The following DNAH14 variants were observed in gnomAD, a reference collection of about 807,000 sequenced individuals.
DNAH14 encodes axonemal beta dynein heavy chain 14.
DNAH14 carries 478 observed loss-of-function variants against 520.9 expected under a neutral mutation model. That is an observed-to-expected ratio of 0.92 (90% CI 0.85 to 0.99). The LOEUF (loss-of-function observed/expected upper bound fraction) is 0.99, where lower values mean the gene tolerates loss of function less well. Among genes scored for constraint, DNAH14 ranks in the 50% least tolerant of loss-of-function variants. The pLI, the probability that DNAH14 is intolerant of heterozygous loss-of-function variation, is 0.00. For synonymous variants in DNAH14, 1,581 were observed against 1,757.2 expected (o/e 0.90, Z 2.51); for missense variants, 4,831 against 5,234.5 (o/e 0.92, Z 2.38).
At chr1:225,242,774 G>C (rs2092042929) in intron 43 of DNAH14, among the ~76,000 whole-genome samples, 1 of 152,138 alleles carries the variant, frequency 6.6e-6, no homozygotes, top group Non-Finnish European at 1.5e-5. Context: ...ATATGCAACT[G>C]GCACCCCAGT....
chr1:225,084,864 T>A (rs1404685507), intron 20 of DNAH14, among the ~76,000 whole-genome samples: 1 of 60,110 alleles, frequency 1.7e-5, no homozygotes, highest in Non-Finnish European at 5.8e-5. Context: ...TTTAGCAATC[T>A]CAGAATGTTA....
At chr1:225,287,453 A>G (rs2093773827) in intron 54 of DNAH14, among the ~76,000 whole-genome samples, 1 of 152,182 alleles carries the variant, frequency 6.6e-6, no homozygotes, top group Admixed American at 6.6e-5. Flanking sequence ...TTTTCTCACT[A>G]TTGGAGGGCA....
chr1:225,104,159 G>C (rs576832564), intron 23 of DNAH14, among the ~76,000 whole-genome samples: 1 of 151,622 alleles, frequency 6.6e-6, no homozygotes, highest in East Asian at 1.9e-4. Context: ...TATGGTTTTT[G>C]TCGTTCTGTT....
At chr1:225,335,140 C>A (rs111068382) in intron 66 of DNAH14, among the ~76,000 whole-genome samples, 15 of 109,228 alleles carry the variant, frequency 1.4e-4, no homozygotes, top group African/African-American at 6.0e-4. Flanking sequence ...TGTGCATGTG[C>A]ACATGTGTAC....
intron 1 of DNAH14, among the ~76,000 whole-genome samples, chr1:224,940,773 G>GT (rs1328645115): frequency 6.8e-6 from 1 of 147,828 alleles, no homozygotes; most frequent in Non-Finnish European, 1.5e-5. Flanking sequence ...CATGTGTTTA[G>GT]TTTTTTGTCC....
intron 8 of DNAH14, among the ~76,000 whole-genome samples, chr1:224,977,648 G>C (rs531030423): frequency 6.6e-6 from 1 of 152,130 alleles, no homozygotes; most frequent in Non-Finnish European, 1.5e-5. Flanking sequence ...AGCTTTTTGC[G>C]TGTCAATCAT....
At chr1:225,041,294 A>G (rs1051038615) in intron 12 of DNAH14, among the ~76,000 whole-genome samples, 3 of 152,212 alleles carry the variant, frequency 2.0e-5, no homozygotes, top group African/African-American at 7.2e-5. Flanking sequence ...AAAGTTGTGG[A>G]TCTGGTAATC....
intron 77 of DNAH14, among the ~76,000 whole-genome samples, chr1:225,374,147 A>C (rs1486600824): frequency 2.5e-5 from 1 of 40,284 alleles, no homozygotes; most frequent in East Asian, 5.9e-4. Flanking sequence ...GTGTCTTACT[A>C]TATATATATA....
chr1:225,012,713 T>C (rs1396981627), intron 10 of DNAH14, among the ~76,000 whole-genome samples: 1 of 152,228 alleles, frequency 6.6e-6, no homozygotes, highest in Non-Finnish European at 1.5e-5. Context: ...ATTAAGTTGA[T>C]CTTCAATCTC....
intron 64 of DNAH14, among the ~76,000 whole-genome samples, chr1:225,326,471 G>A (rs891761035): frequency 1.5e-5 from 2 of 137,558 alleles, no homozygotes; most frequent in Admixed American, 6.8e-5. Flanking sequence ...TATGGGGCCA[G>A]GTTAGGCAAT....
chr1:225,237,892 C>T (rs540738077), intron 42 of DNAH14, among the ~76,000 whole-genome samples: 1 of 152,270 alleles, frequency 6.6e-6, no homozygotes, highest in South Asian at 2.1e-4. Flanking sequence ...TTCTCTCCTC[C>T]ACTTGGTCTA....
At chr1:225,175,319 T>C (rs558329480) in intron 36 of DNAH14, among the ~76,000 whole-genome samples, 1 of 152,328 alleles carries the variant, frequency 6.6e-6, no homozygotes, top group Admixed American at 6.5e-5. Flanking sequence ...AACTCTTTAT[T>C]ACTCATTATT....
intron 17 of DNAH14, among the ~76,000 whole-genome samples, chr1:225,066,645 C>A (rs2070915938): frequency 6.6e-6 from 1 of 151,854 alleles, no homozygotes; most frequent in Non-Finnish European, 1.5e-5. Context: ...TATCTCACAC[C>A]CCCCTCCCAC....
At position 225,059,000 on chromosome 1, in the gene DNAH14, C is replaced by G. The variant is rs1300355945; in HGVS notation, c.2424+7205C>G. ...TGTGGTGCTGAGAAGAATGTATATT[C>G]TGTTGATTTGAGGTGGAGAGTTCTG... On this transcript the variant is annotated intron_variant, in intron 17 of 85. Coordinates refer to ENST00000682510, the MANE Select transcript of DNAH14 (RefSeq NM_001367479.1). Among the ~76,000 whole-genome samples, 3 of 152,270 alleles carry G rather than the reference C, an allele frequency of 2.0e-5. No individual in the cohort carries two copies. The South Asian group carries it at 6.2e-4, about 32-fold the overall frequency.
chr1:225,171,491 C>A (rs764514676), intron 36 of DNAH14, among the ~76,000 whole-genome samples: 1 of 152,150 alleles, frequency 6.6e-6, no homozygotes, highest in Non-Finnish European at 1.5e-5. Context: ...ACTATAAACA[C>A]CTCTATGCAA....
Position 224,981,992 on chromosome 1 carries a change from T to C in DNAH14, c.830+7839T>C, listed in dbSNP as rs1222549364. On this transcript the variant is annotated intron_variant, in intron 8 of 85. Coordinates refer to ENST00000682510, the MANE Select transcript of DNAH14 (RefSeq NM_001367479.1). ...GTTTTTACCTTAGAGCATTAGGTCA[T>C]AGGGTAAATACTAGGGACAATAGAG... 2.6e-5 allele frequency among the ~76,000 whole-genome samples: 4 copies of C among 152,192 alleles called. No individual in the cohort carries two copies. In the East Asian group the frequency reaches 7.7e-4, roughly 29 times the overall value.
chr1:225,110,860 T>G (rs1160384459), intron 23 of DNAH14, among the ~76,000 whole-genome samples: 1 of 152,138 alleles, frequency 6.6e-6, no homozygotes, highest in East Asian at 1.9e-4. Flanking sequence ...ATTTTCTTCT[T>G]AATGTCTTCA....
intron 64 of DNAH14, among the ~76,000 whole-genome samples, chr1:225,325,673 G>C (rs1331542638): frequency 6.6e-6 from 1 of 152,140 alleles, no homozygotes; most frequent in East Asian, 1.9e-4. Flanking sequence ...TTGAGAGTGA[G>C]CAAAGTAATA....
intron 27 of DNAH14, among the ~76,000 whole-genome samples, chr1:225,130,678 G>C (rs1351352727): frequency 1.0e-5 from 1 of 95,742 alleles, no homozygotes; most frequent in South Asian, 4.6e-4. Flanking sequence ...TGTGGGGTGG[G>C]GGGAGGGGGG....
Sources: gnomAD v4.1 joint callset for allele counts (sites outside exome capture counted in the v4.1 genomes callset) on GRCh38, gnomAD v4.1.1 for gene constraint, MANE v1.5 for transcripts, NCBI Gene and HGNC (gene_info 2026-07-23, HGNC 2026-07-21) for gene names.